Variants in OR6N1 observed in about 807,000 individuals in gnomAD.
The protein encoded by OR6N1 is olfactory receptor family 6 subfamily N member 1, also known as olfactory receptor 6N1.
For missense variants in OR6N1, 394 were observed against 371.7 expected, an observed-to-expected ratio of 1.06 and a Z score of -0.49; for synonymous variants, 170 against 150.7, an observed-to-expected ratio of 1.13 and a Z score of -0.94.
At chr1:158,815,215 T>C in the OR6N1 span, among the ~76,000 whole-genome samples, 1 of 152,284 alleles carries the variant, frequency 6.6e-6, no homozygotes, top group East Asian at 1.9e-4. Context: ...TAGGAGTCCC[T>C]TCATTCATTC....
At chr1:158,834,360 G>A in the OR6N1 span, among the ~76,000 whole-genome samples, 1 of 150,834 alleles carries the variant, frequency 6.6e-6, no homozygotes, top group Non-Finnish European at 1.5e-5. Context: ...AGCCTCCCAT[G>A]TAGCTGGGAC....
chr1:158,797,255 G>A, the OR6N1 span, among the ~76,000 whole-genome samples: 1 of 152,160 alleles, frequency 6.6e-6, no homozygotes, highest in Non-Finnish European at 1.5e-5. Flanking sequence ...CAGGTCTCCT[G>A]CCAGGAAACC....
At chr1:158,823,917 C>T in the OR6N1 span, among the ~76,000 whole-genome samples, 2 of 152,250 alleles carry the variant, frequency 1.3e-5, no homozygotes, top group Middle Eastern at 3.4e-3. Context: ...TATCTTTGTT[C>T]CAATTCATTT....
At chr1:158,822,795 A>AAGGGAATGCTTCCAGCC in the OR6N1 span, among the ~76,000 whole-genome samples, 1 of 152,160 alleles carries the variant, frequency 6.6e-6, no homozygotes, top group African/African-American at 2.4e-5. Flanking sequence ...TTGGTTTTCA[A>AAGGGAATGCTTCCAGCC]AGGGAATGCT....
chr1:158,777,118 T>A, upstream of OR6N1: 1 of 1,614,154 alleles, frequency 6.2e-7, no homozygotes. Flanking sequence ...GTGTTGGATT[T>A]CATTGTAAGC....
the OR6N1 span, among the ~76,000 whole-genome samples, chr1:158,809,823 G>T: frequency 1.3e-5 from 2 of 152,144 alleles, no homozygotes; most frequent in Non-Finnish European, 2.9e-5. Flanking sequence ...TAAAAGAAAT[G>T]CAGAATCTCC....
the OR6N1 span, among the ~76,000 whole-genome samples, chr1:158,837,963 C>T: frequency 6.6e-6 from 1 of 151,920 alleles, no homozygotes; most frequent in Middle Eastern, 3.4e-3. Context: ...AACTTAACTT[C>T]AATCATATGC....
the OR6N1 span, among the ~76,000 whole-genome samples, chr1:158,782,762 A>AT: frequency 6.6e-6 from 1 of 152,044 alleles, no homozygotes; most frequent in Non-Finnish European, 1.5e-5. Flanking sequence ...AAGACAATAT[A>AT]TTTTTCTGAT....
At chr1:158,803,965 C>G in the OR6N1 span, among the ~76,000 whole-genome samples, 1 of 152,158 alleles carries the variant, frequency 6.6e-6, no homozygotes, top group African/African-American at 2.4e-5. Flanking sequence ...GTCCCATGAG[C>G]TTAGAAGCCA....
chr1:158,796,799 T>A, the OR6N1 span, among the ~76,000 whole-genome samples: 1 of 152,300 alleles, frequency 6.6e-6, no homozygotes, highest in Non-Finnish European at 1.5e-5. Flanking sequence ...AATTGAAAAA[T>A]TATTTATTCC....
the OR6N1 span, among the ~76,000 whole-genome samples, chr1:158,780,244 G>A: frequency 1.1e-4 from 17 of 152,128 alleles, no homozygotes; most frequent in Non-Finnish European, 2.2e-4. Context: ...AACTGTTGTT[G>A]GTAATGTTTC....
chr1:158,826,344 A>G, the OR6N1 span, among the ~76,000 whole-genome samples: 1 of 152,168 alleles, frequency 6.6e-6, no homozygotes, highest in Non-Finnish European at 1.5e-5. Flanking sequence ...TTTAAAAGAA[A>G]TGACTATATT....
chr1:158,822,549 G>A, the OR6N1 span, among the ~76,000 whole-genome samples: 1 of 152,136 alleles, frequency 6.6e-6, no homozygotes. Context: ...CCTACATTGA[G>A]TTTGTATACT....
chr1:158,784,139 C>T, the OR6N1 span, among the ~76,000 whole-genome samples: 1 of 151,986 alleles, frequency 6.6e-6, no homozygotes, highest in Non-Finnish European at 1.5e-5. Flanking sequence ...AGTCTGACTC[C>T]TCCACCCCTC....
the OR6N1 span, among the ~76,000 whole-genome samples, chr1:158,806,624 T>G: frequency 6.6e-6 from 1 of 152,184 alleles, no homozygotes; most frequent in Non-Finnish European, 1.5e-5. Flanking sequence ...GATTCTGGTA[T>G]GCTGAGACTA....
At chr1:158,779,326 G>T in the OR6N1 span, among the ~76,000 whole-genome samples, 19 of 152,190 alleles carry the variant, frequency 1.2e-4, no homozygotes, top group Admixed American at 1.1e-3. Context: ...CCCAATTCTA[G>T]TTATCATACT....
the OR6N1 span, among the ~76,000 whole-genome samples, chr1:158,818,955 T>C: frequency 6.6e-6 from 1 of 152,054 alleles, no homozygotes; most frequent in South Asian, 2.1e-4. Flanking sequence ...CCTAAGCAAC[T>C]CAGGGGAATA....
At chr1:158,808,262 C>G in the OR6N1 span, 2 of 151,172 alleles carry the variant, frequency 1.3e-5, no homozygotes, top group African/African-American at 2.4e-5. Flanking sequence ...CTCAGCCTCC[C>G]GAGTAGCTGG....
the OR6N1 span, among the ~76,000 whole-genome samples, chr1:158,779,554 G>T: frequency 6.6e-6 from 1 of 152,152 alleles, no homozygotes; most frequent in African/African-American, 2.4e-5. Context: ...GAACTTCTGG[G>T]TTTGATATTT....
Sources: gnomAD v4.1 joint callset for allele counts (sites outside exome capture counted in the v4.1 genomes callset) on GRCh38, gnomAD v4.1.1 for gene constraint, MANE v1.5 for transcripts, NCBI Gene and HGNC (gene_info 2026-07-23, HGNC 2026-07-21) for gene names.